SLC6A5: variants seen among roughly 807,000 people sequenced by gnomAD.
SLC6A5 encodes solute carrier family 6 member 5.
Under a neutral mutation model 90.5 loss-of-function variants are expected in SLC6A5, and 58 were observed. The ratio of observed to expected loss-of-function variants is 0.64; its 90% CI spans 0.52 to 0.80. The LOEUF (loss-of-function observed/expected upper bound fraction) is 0.80, where lower values mean the gene tolerates loss of function less well. Ranked by LOEUF, SLC6A5 falls within the 30% of genes least tolerant of loss-of-function variation. The probability of loss-of-function intolerance (pLI) is 0.00; values close to 1 mark genes in which losing one functional copy is unlikely to be tolerated. For missense variants in SLC6A5, 1,015 were observed against 1,017.6 expected (o/e 1.00, Z 0.03); for synonymous variants, 427 against 401.4 (o/e 1.06, Z -0.76).
intron 5 of SLC6A5, among the ~76,000 whole-genome samples, chr11:20,610,899 C>T (rs191701887): frequency 6.6e-6 from 1 of 152,114 alleles, no homozygotes; most frequent in Non-Finnish European, 1.5e-5. Flanking sequence ...ATGCACAGGA[C>T]GGTCCCACAG....
chr11:20,628,224 AC>A, intron 9 of SLC6A5, 141 bp downstream of exon 9: 1 of 737,818 alleles, frequency 1.4e-6, no homozygotes, highest in Non-Finnish European at 2.4e-6. Context: ...AGGAGAAACC[AC>A]CTGCTAAGGC....
chr11:20,626,866 AC>A, intron 8 of SLC6A5, 24 bp downstream of exon 8: 1 of 1,611,548 alleles, frequency 6.2e-7, no homozygotes, highest in Non-Finnish European at 8.5e-7. Flanking sequence ...TTTATCTATA[AC>A]CAGCCCTGGG....
At position 20,614,732 on chromosome 11, in the gene SLC6A5, T is replaced by C. The variant is rs780468433; in HGVS notation, c.1039T>C (p.Cys347Arg). 1 of 1,613,984 alleles carries C rather than the reference T, an allele frequency of 6.2e-7. No homozygotes were observed. The highest frequency in any genetic ancestry group is 8.5e-7 in the Non-Finnish European group (1 of 1,179,798). The part of the protein sequence containing the change: ...PKIQIKNSTF[C>R]MTAYPNVTMV... ...AATACAGATCAAGAACTCGACTTTCTGCATGACCGCTTATCCCAACGTGAC... is the reference window on the plus strand; with the variant it reads ...AATACAGATCAAGAACTCGACTTTCCGCATGACCGCTTATCCCAACGTGAC... Residue 347 changes from cysteine to arginine, a missense_variant, in exon 6 of 16, where the codon TGC (cysteine) becomes CGC (arginine). Cys to Arg is a radical substitution (Grantham distance 180). Transcript: ENST00000525748.
intron 7 of SLC6A5, among the ~76,000 whole-genome samples, chr11:20,619,744 T>C (rs773868642): frequency 1.3e-5 from 2 of 152,160 alleles, no homozygotes; most frequent in African/African-American, 2.4e-5. Flanking sequence ...GGTCCTCTAA[T>C]TCTAAGATTA....
At chr11:20,638,141 C>G (rs1362677306) in intron 12 of SLC6A5, among the ~76,000 whole-genome samples, 1 of 152,200 alleles carries the variant, frequency 6.6e-6, no homozygotes, top group Non-Finnish European at 1.5e-5. Context: ...AAAAATAAAG[C>G]AATCTGGCTG....
chr11:20,654,331 G>A (rs1853599887), intron 15 of SLC6A5, among the ~76,000 whole-genome samples: 1 of 152,156 alleles, frequency 6.6e-6, no homozygotes, highest in African/African-American at 2.4e-5. Context: ...TCAAGCACAT[G>A]TGTTTTGCAG....
intron 7 of SLC6A5, among the ~76,000 whole-genome samples, chr11:20,620,892 TG>T (rs1366797603): frequency 6.6e-6 from 1 of 152,070 alleles, no homozygotes; most frequent in Non-Finnish European, 1.5e-5. Flanking sequence ...CTCCACCTCC[TG>T]GGTTCAAGTG....
chr11:20,646,480 G>A (rs2133818879), intron 13 of SLC6A5, among the ~76,000 whole-genome samples: 2 of 152,322 alleles, frequency 1.3e-5, no homozygotes, highest in East Asian at 3.9e-4. Flanking sequence ...TTTTGCCAGA[G>A]TTGTCACTAA....
At chr11:20,624,317 T>C (rs1013247052) in intron 7 of SLC6A5, among the ~76,000 whole-genome samples, 2 of 151,716 alleles carry the variant, frequency 1.3e-5, no homozygotes, top group African/African-American at 4.8e-5. Context: ...CCATGCCCGG[T>C]TAATTTTTGT....
In SLC6A5 at chr11:20,658,633, T is replaced by C. The variant is rs539941291; in HGVS notation, c.*3765T>C. 2.4e-4 allele frequency: 36 copies of C among 152,254 alleles called. No homozygotes were observed. Among genetic ancestry groups the C allele is most frequent in the Non-Finnish European group, 1.2e-4 (8 of 68,016 alleles). 9.4% of individuals were successfully genotyped at this position (152,254 alleles called of 1,614,324 possible). A position where few individuals can be genotyped will look rare whatever the true frequency, so the allele number is the denominator to read the frequency against. ...GCTTTAATTGCCCAGAAAGGCCAAG[T>C]AGTTTTGAAATGTGGTCTTTGCTCA... On this transcript the variant is annotated 3_prime_UTR_variant, in exon 16 of 16. Transcript: ENST00000525748.
chr11:20,616,625 A>AT (rs1258081159), intron 6 of SLC6A5, among the ~76,000 whole-genome samples: 3 of 152,186 alleles, frequency 2.0e-5, no homozygotes, highest in Admixed American at 1.3e-4. Flanking sequence ...TGCTTGGCAA[A>AT]TATGGTCCTC....
chr11:20,631,680 G>C lies in SLC6A5; in HGVS notation c.1624+865G>C, dbSNP rs543589119. 1.3e-5 allele frequency among the ~76,000 whole-genome samples: 2 copies of C among 152,302 alleles called. 1 individual carries two copies. The highest frequency in any genetic ancestry group is 4.1e-4 in the South Asian group (2 of 4,826). On this transcript the variant is annotated intron_variant, in intron 10 of 15. Coordinates refer to ENST00000525748, the MANE Select transcript of SLC6A5 (RefSeq NM_004211.5). ...TCTCATTCTCAATTCAGACATTTATGGGATGCGTAGTGTGTTGGTCATGTG... is the reference window on the plus strand; with the variant it reads ...TCTCATTCTCAATTCAGACATTTATCGGATGCGTAGTGTGTTGGTCATGTG...
intron 5 of SLC6A5, among the ~76,000 whole-genome samples, chr11:20,610,519 A>G (rs1852674929): frequency 6.6e-6 from 1 of 152,098 alleles, no homozygotes; most frequent in Non-Finnish European, 1.5e-5. Context: ...CGTGTTAGTG[A>G]TCTCTCCCGT....
At chr11:20,641,422 T>A (rs541401600) in intron 13 of SLC6A5, among the ~76,000 whole-genome samples, 1 of 152,310 alleles carries the variant, frequency 6.6e-6, no homozygotes, top group South Asian at 2.1e-4. Flanking sequence ...TGGCTTTTGC[T>A]TGATGGACTA....
chr11:20,633,530 A>G (rs1219762173), intron 10 of SLC6A5, among the ~76,000 whole-genome samples: 1 of 152,164 alleles, frequency 6.6e-6, no homozygotes, highest in Admixed American at 6.5e-5. Context: ...GCCTTGATGC[A>G]TTGCACTGAC....
intron 8 of SLC6A5, 150 bp from the exon 9 acceptor site, chr11:20,627,830 G>A (rs1853028103): frequency 5.8e-6 from 4 of 690,626 alleles, no homozygotes; most frequent in Non-Finnish European, 1.1e-5. Flanking sequence ...CAGCACAAGT[G>A]ATTTATGTTC....
chr11:20,636,917 C>T (rs766741740), intron 11 of SLC6A5, among the ~76,000 whole-genome samples: 3 of 152,044 alleles, frequency 2.0e-5, no homozygotes, highest in Non-Finnish European at 2.9e-5. Flanking sequence ...CTTAAACTGT[C>T]CTAATGGGTG....
At position 20,658,445 on chromosome 11, in the gene SLC6A5, C is replaced by T. The variant is rs2133831174; in HGVS notation, c.*3577C>T. 6.6e-6 allele frequency: 1 copy of T among 152,158 alleles called. No individual in the cohort carries two copies. Among genetic ancestry groups the T allele is most frequent in the Admixed American group, 6.5e-5 (1 of 15,284 alleles). 9.4% of individuals were successfully genotyped at this position (152,158 alleles called of 1,614,324 possible). On this transcript the variant is annotated 3_prime_UTR_variant, in exon 16 of 16. Coordinates refer to ENST00000525748, the MANE Select transcript of SLC6A5 (RefSeq NM_004211.5). ...CAGGTGTTTTGCAGGACCAAAAGGCCAAGGCCAACAGAGGAGCATTTCCTT... is the reference window on the plus strand; with the variant it reads ...CAGGTGTTTTGCAGGACCAAAAGGCTAAGGCCAACAGAGGAGCATTTCCTT...
chr11:20,642,117 T>C (rs1421089998), intron 13 of SLC6A5, among the ~76,000 whole-genome samples: 1 of 151,568 alleles, frequency 6.6e-6, no homozygotes, highest in East Asian at 1.9e-4. Context: ...AATGAAAATA[T>C]AGAGTCACTT....
Sources: allele counts gnomAD v4.1 joint callset (sites outside exome capture counted in the v4.1 genomes callset), GRCh38; gene constraint gnomAD v4.1.1; transcripts MANE v1.5; gene names NCBI Gene and HGNC (gene_info 2026-07-23, HGNC 2026-07-21).